The following NOL4 variants were observed in gnomAD, a reference collection of about 807,000 sequenced individuals.
The protein encoded by NOL4 is cancer/testis antigen 125.
A neutral mutation model predicts 75.9 loss-of-function variants in NOL4; 17 were observed. The ratio of observed to expected loss-of-function variants is 0.22; its 90% CI spans 0.15 to 0.34. NOL4 has a LOEUF of 0.34. Among genes scored for constraint, NOL4 ranks in the 10% least tolerant of loss-of-function variants. The pLI, the probability that NOL4 is intolerant of heterozygous loss-of-function variation, is 1.00. For missense variants in NOL4, 614 were observed against 793.5 expected, an observed-to-expected ratio of 0.77 and a Z score of 2.72; for synonymous variants, 292 against 289.9, an observed-to-expected ratio of 1.01 and a Z score of -0.07.
chr18:34,059,157 AC>A (rs2076966535), intron 5 of NOL4, among the ~76,000 whole-genome samples: 2 of 142,430 alleles, frequency 1.4e-5, no homozygotes, highest in Non-Finnish European at 3.1e-5. Context: ...ATATATATAT[AC>A]ACATGCTTAG....
At chr18:34,218,713 T>C (rs1328369206) in intron 1 of NOL4, among the ~76,000 whole-genome samples, 1 of 152,164 alleles carries the variant, frequency 6.6e-6, no homozygotes, top group African/African-American at 2.4e-5. Flanking sequence ...AAAAGAAAAA[T>C]GCATGGGCTA....
At chr18:34,103,629 T>C (rs1423644247) in intron 4 of NOL4, among the ~76,000 whole-genome samples, 1 of 151,994 alleles carries the variant, frequency 6.6e-6, no homozygotes, top group Non-Finnish European at 1.5e-5. Context: ...GATGGAGAAA[T>C]GATAATACTT....
intron 2 of NOL4, among the ~76,000 whole-genome samples, chr18:34,128,497 G>C (rs2080483631): frequency 6.6e-6 from 1 of 151,800 alleles, no homozygotes; most frequent in African/African-American, 2.4e-5. Context: ...CCCTGGCTTA[G>C]GAGACAGGCA....
chr18:33,904,200 T>C (rs2065899906), intron 9 of NOL4, among the ~76,000 whole-genome samples: 1 of 152,092 alleles, frequency 6.6e-6, no homozygotes, highest in Non-Finnish European at 1.5e-5. Flanking sequence ...TAACTCTCTT[T>C]GCCATAGGGG....
intron 6 of NOL4, among the ~76,000 whole-genome samples, chr18:33,959,258 C>T (rs998988026): frequency 3.9e-5 from 6 of 152,140 alleles, no homozygotes; most frequent in South Asian, 2.1e-4. Context: ...GTAGAGCCTC[C>T]GTTGTCAGAA....
chr18:34,182,000 G>A (rs1324954237), intron 1 of NOL4, among the ~76,000 whole-genome samples: 2 of 151,540 alleles, frequency 1.3e-5, no homozygotes, highest in Admixed American at 6.6e-5. Flanking sequence ...GAGTCTGGCA[G>A]TTCTCCAAAA....
At chr18:33,963,142 T>C (rs2070289131) in intron 6 of NOL4, among the ~76,000 whole-genome samples, 1 of 152,184 alleles carries the variant, frequency 6.6e-6, no homozygotes, top group Admixed American at 6.6e-5. Flanking sequence ...TTCCCTAAAC[T>C]GTGAAGCCAA....
At chr18:33,939,068 T>C (rs909479807) in intron 9 of NOL4, among the ~76,000 whole-genome samples, 18 of 152,166 alleles carry the variant, frequency 1.2e-4, no homozygotes, top group Admixed American at 3.3e-4. Context: ...GTCAGGTTTA[T>C]CAAAGATGAG....
At chr18:34,106,648 T>C (rs2079294708) in intron 2 of NOL4, among the ~76,000 whole-genome samples, 1 of 151,580 alleles carries the variant, frequency 6.6e-6, no homozygotes, top group Non-Finnish European at 1.5e-5. Flanking sequence ...AATTTTATAT[T>C]ATTTAATAAG....
chr18:34,018,136 TA>T (rs1353372785), intron 6 of NOL4, among the ~76,000 whole-genome samples: 1 of 152,188 alleles, frequency 6.6e-6, no homozygotes, highest in Non-Finnish European at 1.5e-5. Flanking sequence ...TTAAACTTCA[TA>T]AAGACAGGTT....
At chr18:33,860,461 A>G (rs1193401302) in intron 10 of NOL4, among the ~76,000 whole-genome samples, 1 of 152,152 alleles carries the variant, frequency 6.6e-6, no homozygotes, top group African/African-American at 2.4e-5. Flanking sequence ...AGTGATTGTT[A>G]CTTTTGCACA....
intron 1 of NOL4, among the ~76,000 whole-genome samples, chr18:34,159,317 G>A (rs2031046815): frequency 6.6e-6 from 1 of 152,170 alleles, no homozygotes; most frequent in Admixed American, 6.5e-5. Flanking sequence ...ACGGCCGGAG[G>A]AGGAAGGCCA....
chr18:33,863,789 G>A (rs927710071), intron 10 of NOL4, among the ~76,000 whole-genome samples: 1 of 152,126 alleles, frequency 6.6e-6, no homozygotes, highest in South Asian at 2.1e-4. Flanking sequence ...TCCATGTGAG[G>A]ACTCCAATCC....
chr18:33,945,121 T>C (rs892361032), intron 8 of NOL4, among the ~76,000 whole-genome samples: 1 of 151,876 alleles, frequency 6.6e-6, no homozygotes, highest in Admixed American at 6.6e-5. Context: ...ATAAAGTACA[T>C]TATTAGATCT....
At chr18:34,138,489 C>A (rs1157594323) in intron 1 of NOL4, among the ~76,000 whole-genome samples, 1 of 152,066 alleles carries the variant, frequency 6.6e-6, no homozygotes. Context: ...CTGTTAATAG[C>A]CACAAAGTAT....
At chr18:34,099,374 A>AAAAAAAAAAAAAAAAAAAAAAAAAC (rs2078938843) in intron 4 of NOL4, among the ~76,000 whole-genome samples, 2 of 150,086 alleles carry the variant, frequency 1.3e-5, no homozygotes, top group African/African-American at 2.4e-5. Flanking sequence ...AAAAAAAAAA[A>AAAAAAAAAAAAAAAAAAAAAAAAAC]AAAGACAACT....
intron 8 of NOL4, among the ~76,000 whole-genome samples, chr18:33,949,962 G>A (rs2069100346): frequency 6.6e-6 from 1 of 151,582 alleles, no homozygotes; most frequent in African/African-American, 2.4e-5. Context: ...TTAACTACAT[G>A]ATCCTTTATG....
At chr18:34,209,517 T>G (rs1414534873) in intron 1 of NOL4, among the ~76,000 whole-genome samples, 2 of 152,182 alleles carry the variant, frequency 1.3e-5, no homozygotes, top group East Asian at 3.9e-4. Context: ...AAGGGAAAAT[T>G]CTAAGCGAGT....
chr18:34,146,509 CA>C (rs1425296613), intron 1 of NOL4, among the ~76,000 whole-genome samples: 1 of 152,070 alleles, frequency 6.6e-6, no homozygotes, highest in African/African-American at 2.4e-5. Flanking sequence ...TTGTTTTTGT[CA>C]GCTTTGTCAA....
Sources: allele counts gnomAD v4.1 joint callset (sites outside exome capture counted in the v4.1 genomes callset), GRCh38; gene constraint gnomAD v4.1.1; transcripts MANE v1.5; gene names NCBI Gene and HGNC (gene_info 2026-07-23, HGNC 2026-07-21).